CDK17: variants seen among roughly 807,000 people sequenced by gnomAD.
The protein encoded by CDK17 is cyclin dependent kinase 17, also known as cyclin-dependent kinase 17.
In CDK17, 24 loss-of-function variants were observed where a neutral mutation model predicts 77.6. That is an observed-to-expected ratio of 0.31 (90% CI 0.22 to 0.44). CDK17 has a LOEUF of 0.44. Ranked by LOEUF, CDK17 falls within the 20% of genes least tolerant of loss-of-function variation. CDK17 has a pLI of 1.00. For missense variants in CDK17, 429 were observed against 622.5 expected (o/e 0.69, Z 3.31); for synonymous variants, 203 against 210.4 (o/e 0.96, Z 0.30).
intron 2 of CDK17, among the ~76,000 whole-genome samples, chr12:96,326,142 T>C (rs1441582345): frequency 1.3e-5 from 2 of 152,188 alleles, no homozygotes; most frequent in Non-Finnish European, 2.9e-5. Flanking sequence ...ACAGACAACA[T>C]TTTAGTTGCT....
At chr12:96,283,339 G>A (rs1755623953) in intron 14 of CDK17, among the ~76,000 whole-genome samples, 1 of 152,068 alleles carries the variant, frequency 6.6e-6, no homozygotes, top group Non-Finnish European at 1.5e-5. Context: ...AGCATAGAGA[G>A]CATCAATTGC....
At chr12:96,323,900 T>C (rs1952857744) in intron 3 of CDK17, 48 bp downstream of exon 3, 3 of 1,367,920 alleles carry the variant, frequency 2.2e-6, no homozygotes, top group Non-Finnish European at 3.0e-6. Context: ...ACTATGTGCA[T>C]GACGTATAAT....
intron 5 of CDK17, 21 bp downstream of exon 5, chr12:96,311,031 T>C (rs1288729951): frequency 1.9e-6 from 3 of 1,592,688 alleles, no homozygotes; most frequent in Non-Finnish European, 2.6e-6. Flanking sequence ...ATGGTGGAGG[T>C]ATAGGAGACC....
intron 16 of CDK17, 66 bp downstream of exon 16, chr12:96,280,742 A>C (rs1163364983): frequency 1.1e-5 from 18 of 1,590,304 alleles, no homozygotes; most frequent in Non-Finnish European, 1.5e-5. Context: ...TCAATTTATA[A>C]ACCAAAAGCT....
chr12:96,341,450 G>T (rs1953121815), intron 1 of CDK17, among the ~76,000 whole-genome samples: 2 of 151,936 alleles, frequency 1.3e-5, no homozygotes, highest in South Asian at 2.1e-4. Flanking sequence ...ACGGTAAAAG[G>T]GCAGTAAAGG....
intron 1 of CDK17, among the ~76,000 whole-genome samples, chr12:96,391,399 C>T (rs1282940604): frequency 6.6e-6 from 1 of 151,582 alleles, no homozygotes; most frequent in Admixed American, 6.6e-5. Context: ...AAGCAATTCT[C>T]ATGCCTCAGC....
intron 2 of CDK17, among the ~76,000 whole-genome samples, chr12:96,332,547 G>A (rs1399765261): frequency 1.3e-5 from 2 of 152,192 alleles, no homozygotes; most frequent in African/African-American, 4.8e-5. Flanking sequence ...GTTGGAATCA[G>A]CTATCAGGCA....
intron 9 of CDK17, among the ~76,000 whole-genome samples, chr12:96,296,445 GT>G (rs1459178390): frequency 6.6e-6 from 1 of 152,178 alleles, no homozygotes; most frequent in African/African-American, 2.4e-5. Flanking sequence ...CTGTCTTTTA[GT>G]AACAGAAACT....
At chr12:96,294,645 T>C (rs962968972) in intron 10 of CDK17, among the ~76,000 whole-genome samples, 47 of 150,462 alleles carry the variant, frequency 3.1e-4, no homozygotes, top group African/African-American at 1.1e-3. Flanking sequence ...TGATGTATAG[T>C]TTTATGCATT....
intron 1 of CDK17, among the ~76,000 whole-genome samples, chr12:96,366,730 C>A (rs560553041): frequency 2.6e-5 from 4 of 152,100 alleles, no homozygotes; most frequent in African/African-American, 9.7e-5. Context: ...TATCAGTGGT[C>A]TTATAAGGAT....
intron 1 of CDK17, among the ~76,000 whole-genome samples, chr12:96,393,257 G>A (rs576249591): frequency 2.8e-4 from 42 of 149,672 alleles, no homozygotes; most frequent in South Asian, 1.1e-3. Flanking sequence ...CCACCTACTC[G>A]AGAGGCTGAG....
intron 2 of CDK17, among the ~76,000 whole-genome samples, chr12:96,326,291 C>A (rs1434039712): frequency 1.3e-5 from 2 of 152,102 alleles, no homozygotes; most frequent in Admixed American, 1.3e-4. Flanking sequence ...AAGTACTGAT[C>A]TCAGAGTGCA....
At chr12:96,362,898 A>C (rs376205229) in intron 1 of CDK17, among the ~76,000 whole-genome samples, 5 of 152,150 alleles carry the variant, frequency 3.3e-5, no homozygotes, top group African/African-American at 1.2e-4. Flanking sequence ...AGGGTTCAAT[A>C]CTGACTAAAA....
chr12:96,362,256 T>C (rs1953504032), intron 1 of CDK17, among the ~76,000 whole-genome samples: 2 of 152,140 alleles, frequency 1.3e-5, no homozygotes, highest in Non-Finnish European at 2.9e-5. Flanking sequence ...AGTATCACTG[T>C]CACTCAGGCT....
At chr12:96,326,613 GA>G (rs1366951628) in intron 2 of CDK17, among the ~76,000 whole-genome samples, 2 of 152,190 alleles carry the variant, frequency 1.3e-5, no homozygotes, top group African/African-American at 4.8e-5. Flanking sequence ...AATCATCAAG[GA>G]TCTGTAAAAC....
At chr12:96,309,748 G>T (rs547085892) in intron 5 of CDK17, among the ~76,000 whole-genome samples, 87 of 152,182 alleles carry the variant, frequency 5.7e-4, no homozygotes, top group African/African-American at 2.1e-3. Context: ...ACACAGAAAG[G>T]TGTTCAACTT....
intron 5 of CDK17, among the ~76,000 whole-genome samples, chr12:96,301,243 A>AAG (rs1363408309): frequency 7.0e-6 from 1 of 142,248 alleles, no homozygotes; most frequent in Non-Finnish European, 1.6e-5. Context: ...CACTCGGCCA[A>AAG]AAAAAAAAAA....
intron 1 of CDK17, among the ~76,000 whole-genome samples, chr12:96,340,544 A>G (rs949109961): frequency 5.3e-5 from 8 of 152,214 alleles, no homozygotes; most frequent in Non-Finnish European, 1.5e-5. Context: ...ATTATTAAAG[A>G]AAAAATATTC....
At position 96,334,702 on chromosome 12, in the gene CDK17, C is replaced by T. The variant is rs1565824312; in HGVS notation, c.118+17G>A. On this transcript the variant is annotated intron_variant, in intron 2 of 16. Coordinates refer to ENST00000261211, the MANE Select transcript of CDK17 (RefSeq NM_002595.5). The stretch of plus-strand genomic sequence containing the variant: ...AATTAAAAGGAGGAAGCATCTCCCC[C>T]TATGCCAAATATTTACCATTATCCT... 7.4e-7 allele frequency: 1 copy of T among 1,360,536 alleles called. No homozygotes were observed. Among genetic ancestry groups the T allele is most frequent in the East Asian group, 2.3e-5 (1 of 43,634 alleles). 84.3% of individuals were successfully genotyped at this position (1,360,536 alleles called of 1,614,324 possible). A position where few individuals can be genotyped will look rare whatever the true frequency, so the allele number is the denominator to read the frequency against.
Sources: allele counts gnomAD v4.1 joint callset (sites outside exome capture counted in the v4.1 genomes callset), GRCh38; gene constraint gnomAD v4.1.1; transcripts MANE v1.5; gene names NCBI Gene and HGNC (gene_info 2026-07-23, HGNC 2026-07-21).